TMEM74: variants seen among roughly 807,000 people sequenced by gnomAD.
TMEM74 encodes the protein transmembrane protein 74.
A neutral mutation model predicts 18.1 loss-of-function variants in TMEM74; 13 were observed. The observed-to-expected ratio is 0.72, with a 90% CI of 0.47 to 1.14. The LOEUF (loss-of-function observed/expected upper bound fraction) is 1.14, where lower values mean the gene tolerates loss of function less well. Ranked by LOEUF, TMEM74 falls within the 50% of genes most tolerant of loss-of-function variation. The pLI, the probability that TMEM74 is intolerant of heterozygous loss-of-function variation, is 0.00. For synonymous variants in TMEM74, 159 were observed against 146.6 expected (o/e 1.08, Z -0.61); for missense variants, 372 against 375.9 (o/e 0.99, Z 0.09).
chr8:108,717,997 C>T (rs1376127901), intron 1 of TMEM74, among the ~76,000 whole-genome samples: 2 of 50,240 alleles, frequency 4.0e-5, no homozygotes, highest in Non-Finnish European at 5.3e-5. Flanking sequence ...CTCGCTCTGT[C>T]ACCCAGGCTG....
chr8:108,649,762 A>G (rs1812755166), intron 2 of TMEM74, among the ~76,000 whole-genome samples: 1 of 152,128 alleles, frequency 6.6e-6, no homozygotes, highest in African/African-American at 2.4e-5. Context: ...GTAGTTACAC[A>G]GTCTTACTTC....
chr8:108,686,501 C>G (rs1204527273), intron 1 of TMEM74, among the ~76,000 whole-genome samples: 1 of 152,130 alleles, frequency 6.6e-6, no homozygotes, highest in African/African-American at 2.4e-5. Flanking sequence ...CGCGCCGGCC[C>G]TGTTTTATAC....
intron 2 of TMEM74, among the ~76,000 whole-genome samples, chr8:108,649,472 T>C (rs952779038): frequency 2.0e-5 from 3 of 152,188 alleles, no homozygotes; most frequent in Admixed American, 6.5e-5. Context: ...TATGTTTATG[T>C]TTAGTAATAG....
At chr8:108,756,599 A>AAAGAAAGAGAAAGGGAGGAAGGAAGG (rs1586286218) in intron 1 of TMEM74, among the ~76,000 whole-genome samples, 11 of 51,554 alleles carry the variant, frequency 2.1e-4, no homozygotes, top group Non-Finnish European at 3.2e-4. Flanking sequence ...AAAGAAAGAG[A>AAAGAAAGAGAAAGGGAGGAAGGAAGG]AAGGAAGGAA....
intron 1 of TMEM74, among the ~76,000 whole-genome samples, chr8:108,712,485 C>G (rs1200000891): frequency 6.6e-6 from 1 of 152,144 alleles, no homozygotes; most frequent in Non-Finnish European, 1.5e-5. Flanking sequence ...CCATGCTGCT[C>G]TAGCACTGGC....
At chr8:108,685,201 G>A (rs978142487) in intron 1 of TMEM74, among the ~76,000 whole-genome samples, 4 of 151,846 alleles carry the variant, frequency 2.6e-5, no homozygotes, top group Non-Finnish European at 4.4e-5. Flanking sequence ...CATAGCTATT[G>A]TAAATGAGAT....
At chr8:108,629,008 T>G (rs1812523880) in intron 2 of TMEM74, among the ~76,000 whole-genome samples, 1 of 152,102 alleles carries the variant, frequency 6.6e-6, no homozygotes, top group Admixed American at 6.6e-5. Flanking sequence ...TAAGTTTGTT[T>G]AAGTTTCTTG....
intron 2 of TMEM74, among the ~76,000 whole-genome samples, chr8:108,641,119 T>C (rs1346697610): frequency 6.6e-6 from 1 of 152,168 alleles, no homozygotes; most frequent in Non-Finnish European, 1.5e-5. Context: ...CTTAATTCTC[T>C]ACTTTAAGAA....
intron 1 of TMEM74, among the ~76,000 whole-genome samples, chr8:108,698,269 AG>A (rs1399688658): frequency 4.6e-5 from 7 of 152,228 alleles, no homozygotes; most frequent in Non-Finnish European, 7.3e-5. Flanking sequence ...AGTAACTGAA[AG>A]GGTGCTTTAT....
chr8:108,778,313 C>G (rs528275968), downstream of TMEM74, among the ~76,000 whole-genome samples: 1 of 152,098 alleles, frequency 6.6e-6, no homozygotes, highest in Non-Finnish European at 1.5e-5. Context: ...CTCTTTGAGA[C>G]CTTTCAGACT....
At chr8:108,754,470 T>C (rs573990406) in intron 1 of TMEM74, among the ~76,000 whole-genome samples, 2 of 152,124 alleles carry the variant, frequency 1.3e-5, no homozygotes, top group South Asian at 2.1e-4. Context: ...TTCTAGCTTC[T>C]AGTCAATAAA....
intron 1 of TMEM74, among the ~76,000 whole-genome samples, chr8:108,692,665 T>G (rs948316049): frequency 6.6e-6 from 1 of 152,156 alleles, no homozygotes; most frequent in African/African-American, 2.4e-5. Context: ...ATGTTAAAAC[T>G]GAGCTTATAA....
chr8:108,673,412 A>T (rs144945690), intron 1 of TMEM74, among the ~76,000 whole-genome samples: 2 of 152,280 alleles, frequency 1.3e-5, no homozygotes, highest in Non-Finnish European at 2.9e-5. Context: ...AGCAGTCTAC[A>T]TTGGAAGCAT....
intron 1 of TMEM74, among the ~76,000 whole-genome samples, chr8:108,691,770 T>C (rs1019347254): frequency 6.6e-6 from 1 of 152,222 alleles, no homozygotes; most frequent in Non-Finnish European, 1.5e-5. Flanking sequence ...ACAGTTGTAG[T>C]AAGGCATATC....
chr8:108,701,770 T>C (rs1813337272), intron 1 of TMEM74, among the ~76,000 whole-genome samples: 1 of 152,176 alleles, frequency 6.6e-6, no homozygotes, highest in South Asian at 2.1e-4. Flanking sequence ...GAGAAATTTA[T>C]GTTCATGTAA....
intron 2 of TMEM74, among the ~76,000 whole-genome samples, chr8:108,613,794 A>T (rs1812357889): frequency 6.6e-6 from 1 of 152,320 alleles, no homozygotes; most frequent in South Asian, 2.1e-4. Flanking sequence ...ACCTTACATC[A>T]AATGGGACAG....
intron 2 of TMEM74, among the ~76,000 whole-genome samples, chr8:108,609,156 T>A (rs543927410): frequency 6.6e-6 from 1 of 152,220 alleles, no homozygotes; most frequent in Non-Finnish European, 1.5e-5. Context: ...CTTCTGAGAA[T>A]GCACATAAGC....
intron 2 of TMEM74, among the ~76,000 whole-genome samples, chr8:108,621,046 T>C (rs984672767): frequency 2.6e-5 from 4 of 152,106 alleles, no homozygotes; most frequent in African/African-American, 7.2e-5. Context: ...ACTATGAGAT[T>C]TGAGATAGCA....
intron 1 of TMEM74, among the ~76,000 whole-genome samples, chr8:108,773,214 A>G (rs1814192815): frequency 6.6e-6 from 1 of 152,052 alleles, no homozygotes; most frequent in African/African-American, 2.4e-5. Context: ...GCACACACCC[A>G]CAGACTTGTT....
Sources: gnomAD v4.1 joint callset for allele counts (sites outside exome capture counted in the v4.1 genomes callset) on GRCh38, gnomAD v4.1.1 for gene constraint, MANE v1.5 for transcripts, NCBI Gene and HGNC (gene_info 2026-07-23, HGNC 2026-07-21) for gene names.